MGAT4C: variants seen among roughly 807,000 people sequenced by gnomAD.
MGAT4C encodes alpha-1,3-mannosyl-glycoprotein 4-beta-N-acetylglucosaminyltransferase C.
A neutral mutation model predicts 40.1 loss-of-function variants in MGAT4C; 19 were observed. That is an observed-to-expected ratio of 0.47 (90% CI 0.33 to 0.70). The LOEUF (loss-of-function observed/expected upper bound fraction) is 0.70. MGAT4C is among the 30% of genes least tolerant of loss of function. The pLI, the probability that MGAT4C is intolerant of heterozygous loss-of-function variation, is 0.02. For missense variants in MGAT4C, 491 were observed against 563.2 expected, an observed-to-expected ratio of 0.87 and a Z score of 1.30; for synonymous variants, 181 against 187.1, an observed-to-expected ratio of 0.97 and a Z score of 0.27.
intron 2 of MGAT4C, among the ~76,000 whole-genome samples, chr12:86,446,037 T>C (rs1196329351): frequency 2.0e-5 from 3 of 152,142 alleles, no homozygotes; most frequent in Non-Finnish European, 4.4e-5. Flanking sequence ...TGAATATGTG[T>C]TATGCTTCAG....
At chr12:86,343,659 A>G (rs1405247486) in intron 3 of MGAT4C, among the ~76,000 whole-genome samples, 1 of 152,206 alleles carries the variant, frequency 6.6e-6, no homozygotes, top group Non-Finnish European at 1.5e-5. Context: ...AGATACATAC[A>G]TGAAGATACA....
intron 1 of MGAT4C, among the ~76,000 whole-genome samples, chr12:86,745,879 G>C (rs1443325616): frequency 6.6e-6 from 1 of 151,626 alleles, no homozygotes; most frequent in East Asian, 1.9e-4. Flanking sequence ...TCAGCTTCAG[G>C]AACTTAAGCC....
At position 86,544,494 on chromosome 12, in the gene MGAT4C, G is replaced by A. The variant is rs572101838; in HGVS notation, c.-228-109229C>T. On this transcript the variant is annotated intron_variant, in intron 2 of 7. Coordinates refer to the MGAT4C transcript ENST00000548651. ...TGAAAGTTAATTTTAGTTGGATAGTGATCAAGAAGTAGAAGCCACTCCAAC... is the reference window on the plus strand; with the variant it reads ...TGAAAGTTAATTTTAGTTGGATAGTAATCAAGAAGTAGAAGCCACTCCAAC... Among the ~76,000 whole-genome samples the A allele has an allele frequency of 1.7e-3, 261 of 152,140 alleles. 1 individual carries two copies. The highest frequency in any genetic ancestry group is 6.8e-3 in the Middle Eastern group (2 of 294).
At chr12:86,388,848 A>AT (rs1225238302) in intron 3 of MGAT4C, among the ~76,000 whole-genome samples, 1 of 151,044 alleles carries the variant, frequency 6.6e-6, no homozygotes, top group Non-Finnish European at 1.5e-5. Flanking sequence ...TGCCTGGCTA[A>AT]TTTTTTTGTA....
chr12:86,806,461 T>C (rs1346538348), intron 1 of MGAT4C, among the ~76,000 whole-genome samples: 1 of 130,186 alleles, frequency 7.7e-6, no homozygotes, highest in South Asian at 2.5e-4. Flanking sequence ...AGAGAGAGAG[T>C]ATATGTGTGT....
At chr12:86,119,120 CTT>C (rs1878927183) in intron 1 of MGAT4C, among the ~76,000 whole-genome samples, 1 of 151,824 alleles carries the variant, frequency 6.6e-6, no homozygotes, top group Non-Finnish European at 1.5e-5. Flanking sequence ...TATGACAAAA[CTT>C]GAGATAAAAC....
intron 1 of MGAT4C, among the ~76,000 whole-genome samples, chr12:86,781,960 CA>C (rs1385219877): frequency 6.6e-6 from 1 of 151,806 alleles, no homozygotes; most frequent in East Asian, 1.9e-4. Flanking sequence ...AAAAACTCCA[CA>C]CTTTTATTAA....
intron 2 of MGAT4C, among the ~76,000 whole-genome samples, chr12:86,508,362 T>A (rs986826098): frequency 3.3e-5 from 5 of 152,194 alleles, no homozygotes; most frequent in Non-Finnish European, 7.3e-5. Context: ...TCCAATTTCA[T>A]CCATGTCCCT....
chr12:85,988,619 G>C (rs937891722), intron 3 of MGAT4C, among the ~76,000 whole-genome samples: 1 of 151,742 alleles, frequency 6.6e-6, no homozygotes, highest in African/African-American at 2.4e-5. Flanking sequence ...GCTCCATTAA[G>C]ATAGAAAAAG....
rs1565799913 is a variant in MGAT4C at position 85,977,360 on chromosome 12, G to A, written c.*1929C>T. 2 of 151,304 alleles carry A rather than the reference G, an allele frequency of 1.3e-5. No individual in the cohort carries two copies. Among genetic ancestry groups the A allele is most frequent in the Non-Finnish European group, 3.0e-5 (2 of 67,502 alleles). The allele number at this position is 151,304 out of a possible 1,614,324, so 9.4% of individuals were successfully genotyped here. On this transcript the variant is annotated 3_prime_UTR_variant, in exon 5 of 5. Transcript: ENST00000611864. The stretch of plus-strand genomic sequence containing the variant: ...GATATACACACAATACTATCAACTA[G>A]CCGGTTAATAAAAGATAAGAAAAAT...
At position 85,976,274 on chromosome 12, in the gene MGAT4C, A is replaced by G. The variant is rs1883975720; in HGVS notation, c.*3015T>C. On this transcript the variant is annotated 3_prime_UTR_variant, in exon 5 of 5. Transcript: ENST00000611864. ...ATATTTTCATACCTGGAAAATATCT[A>G]CTTTATAAATAGCACAAAGTTATAG... 1 of 151,092 alleles carries G rather than the reference A, an allele frequency of 6.6e-6. No individual in the cohort carries two copies. Among genetic ancestry groups the G allele is most frequent in the Non-Finnish European group, 1.5e-5 (1 of 67,224 alleles). The allele number at this position is 151,092 out of a possible 1,614,324, so 9.4% of individuals were successfully genotyped here. A position where few individuals can be genotyped will look rare whatever the true frequency, so the allele number is the denominator to read the frequency against.
intron 1 of MGAT4C, among the ~76,000 whole-genome samples, chr12:86,741,812 A>G (rs574043951): frequency 6.6e-6 from 1 of 151,484 alleles, no homozygotes; most frequent in East Asian, 1.9e-4. Context: ...TTTGAATAGG[A>G]TCTCCCTTTA....
chr12:86,588,008 G>T (rs1961142282), intron 2 of MGAT4C, among the ~76,000 whole-genome samples: 1 of 151,946 alleles, frequency 6.6e-6, no homozygotes, highest in Admixed American at 6.6e-5. Context: ...GGTGAGAGAG[G>T]GCATCCCTGT....
intron 1 of MGAT4C, among the ~76,000 whole-genome samples, chr12:86,246,323 C>T (rs926033957): frequency 2.0e-5 from 3 of 151,692 alleles, no homozygotes; most frequent in African/African-American, 7.2e-5. Context: ...GTAGCTGGGA[C>T]TACAGGCGCC....
intron 2 of MGAT4C, among the ~76,000 whole-genome samples, chr12:86,642,851 T>C (rs1963430510): frequency 6.6e-6 from 1 of 151,586 alleles, no homozygotes; most frequent in Non-Finnish European, 1.5e-5. Context: ...AGGAAACCTA[T>C]AATAAAAAAG....
At chr12:86,198,875 C>A (rs1011605134) in intron 1 of MGAT4C, among the ~76,000 whole-genome samples, 1 of 152,180 alleles carries the variant, frequency 6.6e-6, no homozygotes. Flanking sequence ...CAAGCTTGGG[C>A]ATCACATATG....
intron 2 of MGAT4C, among the ~76,000 whole-genome samples, chr12:86,015,103 C>T (rs1471510257): frequency 6.6e-6 from 1 of 151,416 alleles, no homozygotes; most frequent in African/African-American, 2.4e-5. Context: ...GCCACCACAC[C>T]CGGCCTCTGT....
intron 1 of MGAT4C, among the ~76,000 whole-genome samples, chr12:86,083,223 G>A (rs147215242): frequency 1.2e-4 from 18 of 151,998 alleles, no homozygotes; most frequent in African/African-American, 4.3e-4. Context: ...ATTCATAGGG[G>A]CATTGACTTA....
intron 1 of MGAT4C, among the ~76,000 whole-genome samples, chr12:86,792,506 C>T (rs1039574311): frequency 6.6e-6 from 1 of 152,046 alleles, no homozygotes; most frequent in South Asian, 2.1e-4. Flanking sequence ...TCCACATAAA[C>T]ACATATTACC....
Sources: gnomAD v4.1 joint callset for allele counts (sites outside exome capture counted in the v4.1 genomes callset) on GRCh38, gnomAD v4.1.1 for gene constraint, MANE v1.5 for transcripts, NCBI Gene and HGNC (gene_info 2026-07-23, HGNC 2026-07-21) for gene names.